Variants in CNTN1 observed in about 807,000 individuals in gnomAD.
CNTN1 encodes contactin-1.
In CNTN1, 38 loss-of-function variants were observed where a neutral mutation model predicts 126.4. The observed-to-expected ratio is 0.30, with a 90% CI of 0.23 to 0.39. The LOEUF (loss-of-function observed/expected upper bound fraction) is 0.39, where lower values mean the gene tolerates loss of function less well. Among genes scored for constraint, CNTN1 ranks in the 10% least tolerant of loss-of-function variants. The pLI is 1.00. For synonymous variants in CNTN1, 413 were observed against 422.6 expected (o/e 0.98, Z 0.28); for missense variants, 1,009 against 1,248.4 (o/e 0.81, Z 2.89).
chr12:40,813,042 TCTTTCTTTCTTTCTTTCTTC>T (rs1565772973), intron 1 of CNTN1, among the ~76,000 whole-genome samples: 5 of 69,154 alleles, frequency 7.2e-5, no homozygotes, highest in African/African-American at 1.9e-4. Flanking sequence ...TTCTTTCCTT[TCTTTCTTTCTTTCTTTCTTC>T]CTTCCTTCCT....
intron 17 of CNTN1, among the ~76,000 whole-genome samples, chr12:40,996,142 T>C (rs575283870): frequency 3.7e-4 from 50 of 133,964 alleles, no homozygotes; most frequent in African/African-American, 1.3e-3. Context: ...TGAGCCTCAC[T>C]TTTTTTTTTT....
chr12:40,830,791 GTATATATA>G (rs10592423), intron 1 of CNTN1, among the ~76,000 whole-genome samples: 6,737 of 75,688 alleles, frequency 0.089, 418 homozygotes, highest in Admixed American at 0.19. Flanking sequence ...AAAGTATAGT[GTATATATA>G]TATATATATA....
intron 14 of CNTN1, among the ~76,000 whole-genome samples, chr12:40,955,864 T>C (rs1946860145): frequency 6.6e-6 from 1 of 152,020 alleles, no homozygotes; most frequent in Admixed American, 6.6e-5. Flanking sequence ...CATAGCCAAG[T>C]AATGGAAGTG....
At chr12:40,825,141 A>G (rs1265013564) in intron 1 of CNTN1, among the ~76,000 whole-genome samples, 1 of 152,122 alleles carries the variant, frequency 6.6e-6, no homozygotes, top group East Asian at 1.9e-4. Context: ...AATTAAATGA[A>G]TGGGCTATGT....
chr12:40,705,008 A>G (rs1011120992), intron 1 of CNTN1, among the ~76,000 whole-genome samples: 2 of 152,302 alleles, frequency 1.3e-5, no homozygotes, highest in Middle Eastern at 6.8e-3. Flanking sequence ...ATACTCTGAT[A>G]ACATTATATA....
At chr12:40,887,158 C>T (rs1944066862) in intron 1 of CNTN1, among the ~76,000 whole-genome samples, 1 of 151,986 alleles carries the variant, frequency 6.6e-6, no homozygotes, top group South Asian at 2.1e-4. Flanking sequence ...TTACCTTGGG[C>T]AGTATGGCCA....
At chr12:40,945,755 G>A (rs906690294) in intron 14 of CNTN1, among the ~76,000 whole-genome samples, 6 of 151,222 alleles carry the variant, frequency 4.0e-5, no homozygotes, top group African/African-American at 1.5e-4. Flanking sequence ...AGAAATAACT[G>A]GAATACTAAT....
chr12:40,971,751 T>C (rs900695949), intron 15 of CNTN1: 2 of 1,257,180 alleles, frequency 1.6e-6, no homozygotes, highest in East Asian at 4.1e-5. Context: ...GTACATTATA[T>C]AATGGCCAAG....
chr12:40,897,726 A>G (rs751084814), intron 1 of CNTN1, among the ~76,000 whole-genome samples: 13 of 152,162 alleles, frequency 8.5e-5, no homozygotes, highest in East Asian at 1.9e-4. Context: ...TGAAACCTCA[A>G]TGGTTTGGGG....
rs114746486 is a variant in CNTN1, at chr12:41,014,515, G to A, written c.2184+217G>A. 0.01 allele frequency among the ~76,000 whole-genome samples: 1,558 copies of A among 152,286 alleles called. 28 individuals are homozygous for A. Among genetic ancestry groups the A allele is most frequent in the African/African-American group, 0.036 (1,489 of 41,572 alleles). ...TGCAAGAATGAATCCTGGATGCTAA[G>A]AGATCTGTTAGCCTAGATGATTAAA... On this transcript the variant is annotated intron_variant, in intron 18 of 23. Coordinates refer to ENST00000551295, the MANE Select transcript of CNTN1 (RefSeq NM_001843.4).
chr12:40,759,555 T>C (rs1938758180), intron 1 of CNTN1, among the ~76,000 whole-genome samples: 1 of 150,828 alleles, frequency 6.6e-6, no homozygotes, highest in Admixed American at 6.6e-5. Context: ...ATCTTCTACC[T>C]CCCAGGCTCA....
chr12:40,955,217 T>C (rs1758282753), intron 14 of CNTN1, among the ~76,000 whole-genome samples: 1 of 151,956 alleles, frequency 6.6e-6, no homozygotes, highest in African/African-American at 2.4e-5. Context: ...GACTATCCTG[T>C]ATGACCCAAG....
chr12:40,903,483 G>A (rs1038561227), intron 1 of CNTN1, among the ~76,000 whole-genome samples: 2 of 149,802 alleles, frequency 1.3e-5, no homozygotes, highest in African/African-American at 4.9e-5. Context: ...TAAGTGGTGT[G>A]GCCTCAAGAG....
chr12:41,012,044 C>A (rs1458505670), intron 17 of CNTN1, among the ~76,000 whole-genome samples: 2 of 152,034 alleles, frequency 1.3e-5, no homozygotes, highest in East Asian at 3.9e-4. Context: ...AGTAGAGAGG[C>A]GTAAAAAGGG....
At chr12:40,745,969 A>T (rs1938163972) in intron 1 of CNTN1, among the ~76,000 whole-genome samples, 1 of 152,144 alleles carries the variant, frequency 6.6e-6, no homozygotes, top group Admixed American at 6.6e-5. Context: ...AAAAAATCAA[A>T]GTTTAGTTCT....
chr12:41,034,103 A>G (rs185325704), intron 23 of CNTN1, among the ~76,000 whole-genome samples: 33 of 152,278 alleles, frequency 2.2e-4, no homozygotes, highest in African/African-American at 7.5e-4. Flanking sequence ...ACTGGAAAGA[A>G]GGCAGTGGTG....
At chr12:41,000,959 GGTCTT>G (rs1948346218) in intron 17 of CNTN1, among the ~76,000 whole-genome samples, 1 of 152,078 alleles carries the variant, frequency 6.6e-6, no homozygotes, top group Non-Finnish European at 1.5e-5. Flanking sequence ...CAAAGTACAT[GGTCTT>G]GTTCTTTTTT....
At chr12:40,878,850 A>G (rs1158300238) in intron 1 of CNTN1, among the ~76,000 whole-genome samples, 1 of 152,216 alleles carries the variant, frequency 6.6e-6, no homozygotes, top group East Asian at 1.9e-4. Flanking sequence ...ATGAAAAAAC[A>G]CTTATTTCCA....
chr12:41,055,271 T>G (rs1949778779), intron 23 of CNTN1, among the ~76,000 whole-genome samples: 1 of 152,162 alleles, frequency 6.6e-6, no homozygotes, highest in Admixed American at 6.6e-5. Flanking sequence ...GAGTTTACTT[T>G]TTGTGAATAT....
Sources: gnomAD v4.1 joint callset for allele counts (sites outside exome capture counted in the v4.1 genomes callset) on GRCh38, gnomAD v4.1.1 for gene constraint, MANE v1.5 for transcripts, NCBI Gene and HGNC (gene_info 2026-07-23, HGNC 2026-07-21) for gene names.